Variants in SLC17A8 observed in about 807,000 individuals in gnomAD.
SLC17A8 encodes the protein vesicular glutamate transporter 3.
A neutral mutation model predicts 58.0 loss-of-function variants in SLC17A8; 31 were observed. The ratio of observed to expected loss-of-function variants is 0.53; its 90% CI spans 0.40 to 0.72. The LOEUF (loss-of-function observed/expected upper bound fraction) is 0.72, where lower values mean the gene tolerates loss of function less well. Among genes scored for constraint, SLC17A8 ranks in the 30% least tolerant of loss-of-function variants. SLC17A8 has a pLI of 0.00. For synonymous variants in SLC17A8, 228 were observed against 249.0 expected, an observed-to-expected ratio of 0.92 and a Z score of 0.79; for missense variants, 655 against 727.8, an observed-to-expected ratio of 0.90 and a Z score of 1.15.
chr12:100,420,408 A>C lies in SLC17A8; in HGVS notation c.*249A>C. The C allele has an allele frequency of 2.2e-6, 1 of 461,598 alleles. No individual in the cohort carries two copies. The highest frequency in any genetic ancestry group is 3.9e-6 in the Non-Finnish European group (1 of 255,258). The allele number at this position is 461,598 out of a possible 1,614,324, so 28.6% of individuals were successfully genotyped here. On this transcript the variant is annotated 3_prime_UTR_variant, in exon 12 of 12. Transcript: ENST00000323346. ...GTTGACCCTTCTCTCAAAGAGCTAA[A>C]CTTATTCAGAAAGGAATGACTAGAA...
At chr12:100,385,953 G>A (rs1000093718) in intron 2 of SLC17A8, among the ~76,000 whole-genome samples, 2 of 152,186 alleles carry the variant, frequency 1.3e-5, no homozygotes, top group African/African-American at 2.4e-5. Context: ...CTCGGTGTGC[G>A]ACAATGTCAC....
chr12:100,365,628 G>A (rs1041441754), intron 1 of SLC17A8, among the ~76,000 whole-genome samples: 19 of 152,202 alleles, frequency 1.2e-4, no homozygotes, highest in Non-Finnish European at 2.4e-4. Context: ...GAAGTTCAAA[G>A]CACAATAACT....
chr12:100,365,885 G>A (rs911464485), intron 1 of SLC17A8, among the ~76,000 whole-genome samples: 2 of 152,056 alleles, frequency 1.3e-5, no homozygotes, highest in African/African-American at 2.4e-5. Flanking sequence ...ACTATATTAT[G>A]AGAGAGAACA....
intron 2 of SLC17A8, among the ~76,000 whole-genome samples, chr12:100,385,988 G>A (rs755939494): frequency 1.3e-5 from 2 of 152,114 alleles, no homozygotes; most frequent in African/African-American, 2.4e-5. Flanking sequence ...CCATCTTCAC[G>A]TGGACATCTT....
intron 2 of SLC17A8, among the ~76,000 whole-genome samples, chr12:100,384,914 G>A (rs1365941731): frequency 6.6e-6 from 1 of 152,120 alleles, no homozygotes; most frequent in Admixed American, 6.5e-5. Context: ...GTTTTCCCTG[G>A]TCCTTCATGG....
chr12:100,374,743 A>T (rs1952582624), intron 1 of SLC17A8, among the ~76,000 whole-genome samples: 1 of 152,176 alleles, frequency 6.6e-6, no homozygotes, highest in Non-Finnish European at 1.5e-5. Context: ...CAAACAACTC[A>T]GGAGGTCCTG....
intron 11 of SLC17A8, 35 bp downstream of exon 11, chr12:100,418,191 T>C (rs11568539): frequency 1.3e-6 from 2 of 1,592,620 alleles, no homozygotes; most frequent in East Asian, 2.3e-5. Context: ...GGTTACAATA[T>C]CAGAGGACTG....
At chr12:100,407,205 C>A (rs1246862096) in intron 9 of SLC17A8, among the ~76,000 whole-genome samples, 1 of 152,158 alleles carries the variant, frequency 6.6e-6, no homozygotes, top group Non-Finnish European at 1.5e-5. Flanking sequence ...TAACAAATAT[C>A]TGTGATTGTA....
At chr12:100,387,281 T>C (rs1016452803) in intron 2 of SLC17A8, among the ~76,000 whole-genome samples, 4 of 152,216 alleles carry the variant, frequency 2.6e-5, no homozygotes, top group Non-Finnish European at 4.4e-5. Context: ...TTGTTTTTGA[T>C]AATGGTCATC....
chr12:100,421,625 T>G lies in SLC17A8; in HGVS notation c.*1466T>G, dbSNP rs1169980492. The stretch of plus-strand genomic sequence containing the variant: ...AAGAAAAATATAATACGGAAAAAAT[T>G]ATAGATTTACTTGTAGCTTATTATT... On this transcript the variant is annotated 3_prime_UTR_variant, in exon 12 of 12. Coordinates refer to ENST00000323346, the MANE Select transcript of SLC17A8 (RefSeq NM_139319.3). 1 of 151,250 alleles carries G rather than the reference T, an allele frequency of 6.6e-6. No homozygotes were observed. Among genetic ancestry groups the G allele is most frequent in the East Asian group, 1.9e-4 (1 of 5,170 alleles). The allele number at this position is 151,250 out of a possible 1,614,324, so 9.4% of individuals were successfully genotyped here. A position where few individuals can be genotyped will look rare whatever the true frequency, so the allele number is the denominator to read the frequency against.
chr12:100,374,331 G>C (rs1412926417), intron 1 of SLC17A8, among the ~76,000 whole-genome samples: 1 of 152,186 alleles, frequency 6.6e-6, no homozygotes, highest in Admixed American at 6.5e-5. Flanking sequence ...ATCAAATCTG[G>C]TCAGGCATAG....
In SLC17A8 at chr12:100,378,080, C is replaced by T. The variant is rs150265736; in HGVS notation, c.102-2621C>T. ...AAAGATTGGGAGCTGTTAGCATATA[C>T]ATGGTATCTAAAGCCCAGAGCCTGC... On this transcript the variant is annotated intron_variant, in intron 1 of 11. Transcript: ENST00000323346. Among the ~76,000 whole-genome samples the T allele has an allele frequency of 2.6e-5, 4 of 152,202 alleles. No individual in the cohort carries two copies. In the East Asian group the frequency reaches 7.7e-4, roughly 29 times the overall value.
chr12:100,396,483 C>T, intron 5 of SLC17A8, 66 bp downstream of exon 5: 1 of 1,297,270 alleles, frequency 7.7e-7, no homozygotes, highest in South Asian at 1.2e-5. Flanking sequence ...TGCAGTGGCT[C>T]ACGCCTGTAA....
chr12:100,412,204 G>A (rs531634527), intron 9 of SLC17A8, among the ~76,000 whole-genome samples: 5 of 152,106 alleles, frequency 3.3e-5, no homozygotes, highest in South Asian at 4.1e-4. Context: ...AAGGTGCACC[G>A]CGATAATGTT....
chr12:100,380,094 G>A lies in SLC17A8; in HGVS notation c.102-607G>A, dbSNP rs1171269655. On this transcript the variant is annotated intron_variant, in intron 1 of 11. Coordinates refer to ENST00000323346, the MANE Select transcript of SLC17A8 (RefSeq NM_139319.3). ...CAGACCTGTAATCCCAGCTACTCAG[G>A]AGGCTGATGTGAGAGAATCGCTTGA... Among the ~76,000 whole-genome samples the A allele has an allele frequency of 3.3e-5, 5 of 151,614 alleles. No individual in the cohort carries two copies. In the East Asian group the frequency reaches 9.7e-4, roughly 30 times the overall value.
chr12:100,408,730 G>T (rs937454271), intron 9 of SLC17A8, among the ~76,000 whole-genome samples: 1 of 152,012 alleles, frequency 6.6e-6, no homozygotes, highest in Non-Finnish European at 1.5e-5. Flanking sequence ...ATTCTTTGGG[G>T]GAATTGACTT....
intron 11 of SLC17A8, among the ~76,000 whole-genome samples, chr12:100,419,157 A>C (rs1952928878): frequency 6.6e-6 from 1 of 152,246 alleles, no homozygotes; most frequent in African/African-American, 2.4e-5. Flanking sequence ...GGTTCCTAAA[A>C]CAATTTTAAT....
chr12:100,385,575 G>T (rs1952668640), intron 2 of SLC17A8, among the ~76,000 whole-genome samples: 2 of 152,050 alleles, frequency 1.3e-5, no homozygotes, highest in African/African-American at 4.8e-5. Flanking sequence ...AGTCAGCTGT[G>T]GTAGTCAGTC....
chr12:100,372,784 C>T (rs1471262533), intron 1 of SLC17A8, among the ~76,000 whole-genome samples: 2 of 152,110 alleles, frequency 1.3e-5, no homozygotes, highest in Admixed American at 6.5e-5. Context: ...ATGCTGGTCT[C>T]GAACTCCTGG....
Sources: gnomAD v4.1 joint callset for allele counts (sites outside exome capture counted in the v4.1 genomes callset) on GRCh38, gnomAD v4.1.1 for gene constraint, MANE v1.5 for transcripts, NCBI Gene and HGNC (gene_info 2026-07-23, HGNC 2026-07-21) for gene names.